LSAMP: variants seen among roughly 807,000 people sequenced by gnomAD.
LSAMP encodes the protein limbic system associated membrane protein.
LSAMP carries 7 observed loss-of-function variants against 38.6 expected under a neutral mutation model. The observed-to-expected ratio is 0.18, with a 90% CI of 0.10 to 0.34. LSAMP has a LOEUF of 0.34. Among genes scored for constraint, LSAMP ranks in the 10% least tolerant of loss-of-function variants. The pLI is 1.00. For missense variants in LSAMP, 313 were observed against 420.0 expected, an observed-to-expected ratio of 0.75 and a Z score of 2.23; for synonymous variants, 154 against 166.8, an observed-to-expected ratio of 0.92 and a Z score of 0.59.
At chr3:115,855,944 T>C (rs1935494793) in intron 3 of LSAMP, among the ~76,000 whole-genome samples, 1 of 152,192 alleles carries the variant, frequency 6.6e-6, no homozygotes, top group African/African-American at 2.4e-5. Flanking sequence ...GATTAGTCTG[T>C]TCTAGTCACA....
At chr3:115,895,239 G>C (rs1349965180) in intron 3 of LSAMP, among the ~76,000 whole-genome samples, 1 of 151,974 alleles carries the variant, frequency 6.6e-6, no homozygotes, top group Non-Finnish European at 1.5e-5. Context: ...GAATTGTGAG[G>C]GTTTAGAGGC....
intron 1 of LSAMP, among the ~76,000 whole-genome samples, chr3:116,317,340 C>A (rs1383645845): frequency 6.6e-6 from 1 of 151,970 alleles, no homozygotes; most frequent in East Asian, 1.9e-4. Context: ...ACAAAGAGAG[C>A]CCAATCTCTT....
In LSAMP at chr3:116,445,403, A is replaced by T; in HGVS notation, c.-372T>A. On this transcript the variant is annotated 5_prime_UTR_variant, in exon 1 of 7. Coordinates refer to ENST00000490035, the MANE Select transcript of LSAMP (RefSeq NM_002338.5). Reference sequence around the variant, plus strand: ...TCTGAGCTGAGCTCCTTCGCTCTGTAACCCACTTTCCCAGGCTGGCGGGCG... The same window carrying T: ...TCTGAGCTGAGCTCCTTCGCTCTGTTACCCACTTTCCCAGGCTGGCGGGCG... 2 of 456,054 alleles carry T rather than the reference A, an allele frequency of 4.4e-6. No individual in the cohort carries two copies. Among genetic ancestry groups the T allele is most frequent in the East Asian group, 6.7e-5 (2 of 29,916 alleles). The allele number at this position is 456,054 out of a possible 1,614,324, so 28.3% of individuals were successfully genotyped here.
chr3:116,159,646 T>A (rs1191237349), intron 1 of LSAMP, among the ~76,000 whole-genome samples: 1 of 152,180 alleles, frequency 6.6e-6, no homozygotes, highest in Non-Finnish European at 1.5e-5. Flanking sequence ...TATATACTGC[T>A]GGTGGGAGTA....
chr3:115,960,815 C>CAA (rs901976637), intron 3 of LSAMP, among the ~76,000 whole-genome samples: 1 of 151,386 alleles, frequency 6.6e-6, no homozygotes, highest in East Asian at 1.9e-4. Flanking sequence ...AAAAGGCAAA[C>CAA]AAAAAAAAAT....
chr3:116,095,188 C>T (rs1278228673), intron 1 of LSAMP, among the ~76,000 whole-genome samples: 2 of 152,170 alleles, frequency 1.3e-5, no homozygotes, highest in African/African-American at 4.8e-5. Context: ...CACATGTGCT[C>T]TACTGTGAAA....
chr3:116,324,519 A>C (rs1308891516), intron 1 of LSAMP, among the ~76,000 whole-genome samples: 1 of 152,194 alleles, frequency 6.6e-6, no homozygotes. Context: ...AGACATTTAC[A>C]GAGTGTGTAG....
rs375690598 is a variant in LSAMP, at chr3:116,254,475, AAAG to A, written c.156-167922_156-167920del. On this transcript the variant is annotated intron_variant, in intron 1 of 6. Coordinates refer to ENST00000490035, the MANE Select transcript of LSAMP (RefSeq NM_002338.5). ...GAAGAAGGGAGAAGGAGGAGGAGGA[AAAG>A]AAGAAGACCCAATGTGCCACAATAA... 2.0e-4 allele frequency among the ~76,000 whole-genome samples: 31 copies of A among 152,276 alleles called. No individual in the cohort carries two copies. The East Asian group carries it at 5.8e-3, about 28-fold the overall frequency.
intron 1 of LSAMP, among the ~76,000 whole-genome samples, chr3:116,154,236 C>T (rs1334003216): frequency 6.6e-6 from 1 of 152,078 alleles, no homozygotes; most frequent in Non-Finnish European, 1.5e-5. Context: ...TATCTATTGG[C>T]CTGTCTTGAG....
intron 1 of LSAMP, among the ~76,000 whole-genome samples, chr3:116,375,973 T>C (rs2048488800): frequency 1.3e-5 from 2 of 152,002 alleles, no homozygotes; most frequent in South Asian, 2.1e-4. Flanking sequence ...TTACTCTGTA[T>C]ATAATTAACT....
In LSAMP at chr3:116,167,538, GTCTA is replaced by G. The variant is rs376222225; in HGVS notation, c.156-80986_156-80983del. On this transcript the variant is annotated intron_variant, in intron 1 of 6. Transcript: ENST00000490035. ...CTGATCTATATACATCTCTCTGATT[GTCTA>G]TCTATCCATCCATTTATCCATCCAT... 1.6e-4 allele frequency among the ~76,000 whole-genome samples: 24 copies of G among 152,126 alleles called. No individual in the cohort carries two copies. In the East Asian group the frequency reaches 4.3e-3, roughly 27 times the overall value.
intron 3 of LSAMP, among the ~76,000 whole-genome samples, chr3:115,940,024 G>A (rs1937857043): frequency 6.6e-6 from 1 of 152,038 alleles, no homozygotes; most frequent in South Asian, 2.1e-4. Context: ...CAGACTTCAG[G>A]AGTGAAGTTG....
rs568987452 is a variant in LSAMP at position 116,167,083 on chromosome 3, G to A, written c.156-80527C>T. 3.9e-5 allele frequency among the ~76,000 whole-genome samples: 6 copies of A among 152,090 alleles called. No homozygotes were observed. In the East Asian group the frequency reaches 5.8e-4, roughly 15 times the overall value. Reference sequence around the variant, plus strand: ...TGGGATTACAGGCGTGAGCCGCTGCGCCTGGCCCTAAAATTTTTAATTTTT... The same window carrying A: ...TGGGATTACAGGCGTGAGCCGCTGCACCTGGCCCTAAAATTTTTAATTTTT... On this transcript the variant is annotated intron_variant, in intron 1 of 6. Transcript: ENST00000490035.
At chr3:116,060,198 G>GTTTTTT (rs55818433) in intron 2 of LSAMP, among the ~76,000 whole-genome samples, 1 of 141,996 alleles carries the variant, frequency 7.0e-6, no homozygotes, top group African/African-American at 2.7e-5. Context: ...AAGCAACATA[G>GTTTTTT]TTTTTTTTTT....
chr3:115,834,564 T>C (rs1934722774), intron 6 of LSAMP: 9 of 1,282,698 alleles, frequency 7.0e-6, no homozygotes, highest in Non-Finnish European at 9.1e-6. Context: ...ATACTGACCT[T>C]GAATGGGGTG....
At chr3:116,401,376 G>A (rs1576195019) in intron 1 of LSAMP, among the ~76,000 whole-genome samples, 1 of 151,956 alleles carries the variant, frequency 6.6e-6, no homozygotes, top group Admixed American at 6.6e-5. Flanking sequence ...AGACCTCCTG[G>A]GCTCAGGTGA....
intron 1 of LSAMP, among the ~76,000 whole-genome samples, chr3:116,296,866 A>C (rs2047341949): frequency 6.6e-6 from 1 of 152,170 alleles, no homozygotes; most frequent in Admixed American, 6.5e-5. Flanking sequence ...ATGGAAAAAT[A>C]GTCCAAATTT....
At chr3:116,097,975 T>C (rs1708260733) in intron 1 of LSAMP, among the ~76,000 whole-genome samples, 1 of 151,998 alleles carries the variant, frequency 6.6e-6, no homozygotes, top group Non-Finnish European at 1.5e-5. Context: ...CCTCAGGTGA[T>C]CCACCCACCT....
chr3:116,042,428 T>C (rs1203011251), intron 2 of LSAMP, among the ~76,000 whole-genome samples: 2 of 148,922 alleles, frequency 1.3e-5, no homozygotes, highest in East Asian at 3.9e-4. Context: ...ATAAAGAGCA[T>C]TTCTTTTTTT....
Sources: gnomAD v4.1 joint callset for allele counts (sites outside exome capture counted in the v4.1 genomes callset) on GRCh38, gnomAD v4.1.1 for gene constraint, MANE v1.5 for transcripts, NCBI Gene and HGNC (gene_info 2026-07-23, HGNC 2026-07-21) for gene names.